The following KLF13 variants were observed in gnomAD, a reference collection of about 807,000 sequenced individuals.
KLF13 encodes the protein KLF transcription factor 13, also known as Krueppel-like factor 13.
A neutral mutation model predicts 16.7 loss-of-function variants in KLF13; 8 were observed. That is an observed-to-expected ratio of 0.48 (90% CI 0.28 to 0.87). The LOEUF is 0.87. Among genes scored for constraint, KLF13 ranks in the 40% least tolerant of loss-of-function variants. The pLI, the probability that KLF13 is intolerant of heterozygous loss-of-function variation, is 0.10. For missense variants in KLF13, 447 were observed against 452.2 expected (o/e 0.99, Z 0.10); for synonymous variants, 245 against 208.4 (o/e 1.18, Z -1.51).
At chr15:31,380,036 G>T (rs60713662), downstream of KLF13, among the ~76,000 whole-genome samples, 1 of 152,156 alleles carries the variant, frequency 6.6e-6, no homozygotes, top group African/African-American at 2.4e-5. Flanking sequence ...AGTGGTTCAC[G>T]CCTGTAATCC....
intron 1 of KLF13, among the ~76,000 whole-genome samples, chr15:31,429,742 TA>T (rs1306824649): frequency 7.6e-5 from 11 of 144,662 alleles, no homozygotes; most frequent in Non-Finnish European, 1.5e-5. Context: ...TTTATTTATT[TA>T]TTTATTTTGA....
intron 1 of KLF13, among the ~76,000 whole-genome samples, chr15:31,354,257 G>T (rs1362790429): frequency 6.6e-6 from 1 of 152,222 alleles, no homozygotes; most frequent in African/African-American, 2.4e-5. Flanking sequence ...CCCAAACCGT[G>T]GTGTGCTGGT....
At chr15:31,369,956 G>T (rs1373651314) in intron 1 of KLF13, among the ~76,000 whole-genome samples, 1 of 151,520 alleles carries the variant, frequency 6.6e-6, no homozygotes, top group Non-Finnish European at 1.5e-5. Flanking sequence ...TTCTGACATT[G>T]CAGAGCTTCT....
rs186246045 is a variant in KLF13, at chr15:31,335,274, A to G, written c.577+7485A>G. 2.0e-4 allele frequency among the ~76,000 whole-genome samples: 30 copies of G among 152,256 alleles called. 1 individual carries two copies. The East Asian group carries it at 5.8e-3, about 29-fold the overall frequency. On this transcript the variant is annotated intron_variant, in intron 1 of 1. Transcript: ENST00000307145. ...TTTGGGGGAGACATGAAGTTTGTTC[A>G]GTTGAAACTAGGGCTGTGGTGAAGG...
chr15:31,420,756 GA>G, intron 1 of KLF13: 35 of 206,084 alleles, frequency 1.7e-4, no homozygotes, highest in Non-Finnish European at 3.0e-4. Context: ...GCAGTGGTGA[GA>G]TCTCAGCTCA....
At chr15:31,328,483 G>A (rs1049858964) in intron 1 of KLF13, among the ~76,000 whole-genome samples, 21 of 151,944 alleles carry the variant, frequency 1.4e-4, no homozygotes, top group Non-Finnish European at 1.9e-4. Flanking sequence ...CCCGGCGGGG[G>A]CGCGCCCGGC....
rs2040357175 is a variant in KLF13, at chr15:31,423,138, C to CATATACGTAT, written n.118-12232_118-12231insATATACGTAT. The stretch of plus-strand genomic sequence containing the variant: ...GTATATATACGTATATATACGTATA[C>CATATACGTAT]GTATACGTATATATACGTATATATA... On this transcript the variant is annotated intron_variant and non_coding_transcript_variant, in intron 1 of 1. Coordinates refer to the KLF13 transcript ENST00000558225. Among the ~76,000 whole-genome samples the CATATACGTAT allele has an allele frequency of 6.3e-4, 21 of 33,516 alleles. 3 individuals are homozygous for CATATACGTAT. The highest frequency in any genetic ancestry group is 4.5e-3 in the African/African-American group (18 of 3,962). 22.0% of individuals were successfully genotyped at this position (33,516 alleles called of 152,430 possible). A position where few individuals can be genotyped will look rare whatever the true frequency, so the allele number is the denominator to read the frequency against.
chr15:31,355,880 T>G (rs1438595870), intron 1 of KLF13, among the ~76,000 whole-genome samples: 1 of 151,918 alleles, frequency 6.6e-6, no homozygotes. Context: ...CCGTGTGGCC[T>G]GGATAACATC....
chr15:31,421,046 G>A (rs1465851420), intron 1 of KLF13, among the ~76,000 whole-genome samples: 1 of 152,074 alleles, frequency 6.6e-6, no homozygotes, highest in Non-Finnish European at 1.5e-5. Flanking sequence ...GGTCTGTCCT[G>A]TCTGTGATTT....
intron 1 of KLF13, among the ~76,000 whole-genome samples, chr15:31,330,183 A>C (rs1481616589): frequency 6.6e-6 from 1 of 152,188 alleles, no homozygotes; most frequent in Non-Finnish European, 1.5e-5. Flanking sequence ...GGCCTCAGGG[A>C]TGACTGAGAA....
chr15:31,402,301 G>A (rs965430425), intron 2 of KLF13, among the ~76,000 whole-genome samples: 6 of 152,208 alleles, frequency 3.9e-5, no homozygotes, highest in African/African-American at 9.6e-5. Context: ...TAGATGAGGA[G>A]GGGAGGTTGG....
rs138277756 is a variant in KLF13, at chr15:31,421,839, C to T, written n.118-13531C>T. Among the ~76,000 whole-genome samples the T allele has an allele frequency of 4.4e-4, 67 of 152,236 alleles. No homozygotes were observed. The East Asian group carries it at 9.3e-3, about 21-fold the overall frequency. ...AAAAAGAAATAGAGGGCTGGCCGAGCGCGGTGGCTCACACATGTATTGCCA... is the reference window on the plus strand; with the variant it reads ...AAAAAGAAATAGAGGGCTGGCCGAGTGCGGTGGCTCACACATGTATTGCCA... On this transcript the variant is annotated intron_variant and non_coding_transcript_variant, in intron 1 of 1. Transcript: ENST00000558225.
rs77454982 is a variant in KLF13 at position 31,398,438 on chromosome 15, A to G, written n.529+4747A>G. On this transcript the variant is annotated intron_variant and non_coding_transcript_variant, in intron 2 of 2. Transcript: ENST00000500533. ...GGCTGGGAGCAGAGCGTGGTGGGCA[A>G]TGAGGGAGCCAACTTGGCCCTGGGG... Among the ~76,000 whole-genome samples, 336 of 152,294 alleles carry G rather than the reference A, an allele frequency of 2.2e-3. 3 individuals are homozygous for G. The highest frequency in any genetic ancestry group is 7.3e-3 in the African/African-American group (305 of 41,572).
chr15:31,364,025 T>C (rs1304827396), intron 1 of KLF13, among the ~76,000 whole-genome samples: 1 of 152,182 alleles, frequency 6.6e-6, no homozygotes, highest in Non-Finnish European at 1.5e-5. Flanking sequence ...CTCTGTCCTT[T>C]GCACAGTTAC....
chr15:31,350,655 C>CG (rs1432689909), intron 1 of KLF13, among the ~76,000 whole-genome samples: 5 of 152,242 alleles, frequency 3.3e-5, no homozygotes, highest in Admixed American at 2.6e-4. Context: ...ACTTCACCCC[C>CG]TTTTTTGGTG....
chr15:31,405,174 C>G (rs765786799), downstream of KLF13, among the ~76,000 whole-genome samples: 7 of 152,058 alleles, frequency 4.6e-5, no homozygotes, highest in Admixed American at 2.6e-4. Flanking sequence ...CAAGAGCCTG[C>G]GTAGTGGTGT....
chr15:31,390,787 G>A (rs1253131082), upstream of KLF13, among the ~76,000 whole-genome samples: 2 of 151,898 alleles, frequency 1.3e-5, no homozygotes, highest in African/African-American at 4.8e-5. Flanking sequence ...AGGCTTCTGT[G>A]TCCCTTATCT....
chr15:31,403,011 A>C (rs774734986), intron 2 of KLF13, among the ~76,000 whole-genome samples: 2 of 152,168 alleles, frequency 1.3e-5, no homozygotes, highest in African/African-American at 2.4e-5. Context: ...CAGCAGGAAA[A>C]ATGGATGCCA....
downstream of KLF13, among the ~76,000 whole-genome samples, chr15:31,380,816 A>G (rs1224363403): frequency 1.3e-5 from 2 of 152,222 alleles, no homozygotes; most frequent in African/African-American, 2.4e-5. Flanking sequence ...CCAGCATTCC[A>G]ATGGTACATA....
Sources: gnomAD v4.1 joint callset for allele counts (sites outside exome capture counted in the v4.1 genomes callset) on GRCh38, gnomAD v4.1.1 for gene constraint, MANE v1.5 for transcripts, NCBI Gene and HGNC (gene_info 2026-07-23, HGNC 2026-07-21) for gene names.